HORMAD2: variants seen among roughly 807,000 people sequenced by gnomAD.
HORMAD2 encodes HORMA domain-containing protein 2.
A neutral mutation model predicts 38.8 loss-of-function variants in HORMAD2; 45 were observed. That is an observed-to-expected ratio of 1.16 (90% CI 0.91 to 1.49). The LOEUF is 1.49. HORMAD2 is among the 40% of genes most tolerant of loss of function. The pLI is 0.00. For synonymous variants in HORMAD2, 126 were observed against 122.8 expected, an observed-to-expected ratio of 1.03 and a Z score of -0.17; for missense variants, 338 against 367.0, an observed-to-expected ratio of 0.92 and a Z score of 0.65.
At chr22:30,123,994 T>C (rs541749405) in intron 10 of HORMAD2, among the ~76,000 whole-genome samples, 17 of 152,088 alleles carry the variant, frequency 1.1e-4, no homozygotes, top group South Asian at 8.3e-4. Context: ...TTCTTTCTTT[T>C]TTTTTTTTAA....
intron 1 of HORMAD2, chr22:30,081,399 CAATT>C (rs1366828325): frequency 6.6e-6 from 1 of 152,150 alleles, no homozygotes; most frequent in African/African-American, 2.4e-5. Context: ...AACAAATACT[CAATT>C]AATATAGTGG....
the HORMAD2 span, among the ~76,000 whole-genome samples, chr22:30,202,265 G>C: frequency 6.6e-6 from 1 of 152,102 alleles, no homozygotes; most frequent in Admixed American, 6.5e-5. Context: ...CCCTGACAGG[G>C]TCCAGGCAGG....
chr22:30,169,439 T>C (rs554774386), intron 10 of HORMAD2, among the ~76,000 whole-genome samples: 11 of 152,324 alleles, frequency 7.2e-5, no homozygotes, highest in Admixed American at 2.6e-4. Context: ...AGAACTTATG[T>C]AACAACTTTT....
the HORMAD2 span, among the ~76,000 whole-genome samples, chr22:30,190,075 T>C: frequency 6.6e-6 from 1 of 152,230 alleles, no homozygotes; most frequent in Non-Finnish European, 1.5e-5. Context: ...GGACCACTTA[T>C]TAGCCATGTG....
intron 5 of HORMAD2, among the ~76,000 whole-genome samples, chr22:30,111,554 A>G (rs540517490): frequency 6.6e-6 from 1 of 152,130 alleles, no homozygotes; most frequent in Non-Finnish European, 1.5e-5. Context: ...CTGACTTTTC[A>G]TATACTCCCT....
At chr22:30,091,256 CTCTT>C (rs1377638380) in intron 1 of HORMAD2, among the ~76,000 whole-genome samples, 25 of 126,182 alleles carry the variant, frequency 2.0e-4, no homozygotes, top group Admixed American at 3.3e-4. Context: ...CTTTCTTTCT[CTCTT>C]TCTTTCTTTT....
intron 10 of HORMAD2, among the ~76,000 whole-genome samples, chr22:30,162,349 A>G (rs1331552273): frequency 2.7e-5 from 4 of 145,752 alleles, no homozygotes; most frequent in African/African-American, 1.0e-4. Context: ...ACACACACAC[A>G]CGATATGTTG....
chr22:30,156,247 A>G (rs1925066672), intron 10 of HORMAD2, among the ~76,000 whole-genome samples: 1 of 152,194 alleles, frequency 6.6e-6, no homozygotes, highest in Non-Finnish European at 1.5e-5. Context: ...GTAAGACCAT[A>G]TTTTATTTAG....
At chr22:30,163,636 C>T (rs1925591395) in intron 10 of HORMAD2, among the ~76,000 whole-genome samples, 7 of 152,032 alleles carry the variant, frequency 4.6e-5, no homozygotes, top group Admixed American at 4.6e-4. Context: ...CCATGTTGCC[C>T]AGGCTGTTCT....
the HORMAD2 span, among the ~76,000 whole-genome samples, chr22:30,203,848 T>G: frequency 6.6e-6 from 1 of 152,198 alleles, no homozygotes; most frequent in Non-Finnish European, 1.5e-5. Context: ...CACACGAACC[T>G]GCACCTTACA....
chr22:30,172,220 A>G (rs748629937), intron 10 of HORMAD2, among the ~76,000 whole-genome samples: 2 of 152,230 alleles, frequency 1.3e-5, no homozygotes, highest in Admixed American at 6.5e-5. Context: ...GCCAAAAAGT[A>G]ACATGGCCAG....
At chr22:30,100,569 G>A (rs907115625) in intron 3 of HORMAD2, among the ~76,000 whole-genome samples, 2 of 152,058 alleles carry the variant, frequency 1.3e-5, no homozygotes, top group African/African-American at 4.8e-5. Context: ...TGCAACAAAA[G>A]CCAAAATAGA....
intron 10 of HORMAD2, among the ~76,000 whole-genome samples, chr22:30,130,332 T>C (rs1923185674): frequency 6.6e-6 from 1 of 152,148 alleles, no homozygotes; most frequent in African/African-American, 2.4e-5. Context: ...AGGAATAATG[T>C]GAAAGTGAGA....
intron 10 of HORMAD2, among the ~76,000 whole-genome samples, chr22:30,123,945 C>T (rs1329240382): frequency 2.0e-5 from 3 of 151,906 alleles, no homozygotes; most frequent in Non-Finnish European, 4.4e-5. Context: ...GCTAGGATTA[C>T]ACCACACCTG....
chr22:30,086,749 C>T (rs1278491068), intron 1 of HORMAD2, among the ~76,000 whole-genome samples: 1 of 152,118 alleles, frequency 6.6e-6, no homozygotes, highest in Non-Finnish European at 1.5e-5. Context: ...GAGATGACAA[C>T]AACCTGGCTA....
At chr22:30,179,768 G>A (rs1227783009), downstream of HORMAD2, among the ~76,000 whole-genome samples, 1 of 152,194 alleles carries the variant, frequency 6.6e-6, no homozygotes, top group East Asian at 1.9e-4. Context: ...TGTTGAGAAA[G>A]GGATTGGCCA....
intron 10 of HORMAD2, among the ~76,000 whole-genome samples, chr22:30,155,104 A>G (rs1924988156): frequency 6.6e-6 from 1 of 151,662 alleles, no homozygotes; most frequent in African/African-American, 2.4e-5. Flanking sequence ...AAAGAAAGAA[A>G]GAAGGAATAT....
rs34611740 is a variant in HORMAD2 at position 30,138,243 on chromosome 22, AT to A, written c.819+16043del. 6.2e-3 allele frequency among the ~76,000 whole-genome samples: 888 copies of A among 142,470 alleles called. 6 individuals carry two copies. Among genetic ancestry groups the A allele is most frequent in the East Asian group, 0.015 (75 of 4,934 alleles). The allele number at this position is 142,470 out of a possible 152,430, so 93.5% of individuals were successfully genotyped here. A position where few individuals can be genotyped will look rare whatever the true frequency, so the allele number is the denominator to read the frequency against. ...ACATGTATATTCGGATCTTTTGCCC[AT>A]TTTTTTTTTTTTTGAGACAGAGTCT... On this transcript the variant is annotated intron_variant, in intron 10 of 10. Transcript: ENST00000336726.
chr22:30,200,590 T>TA, the HORMAD2 span, among the ~76,000 whole-genome samples: 721 of 152,158 alleles, frequency 4.7e-3, 8 homozygotes, highest in African/African-American at 0.016. Context: ...CTGGTTTCTT[T>TA]AATTTTTTAA....
Sources: gnomAD v4.1 joint callset for allele counts (sites outside exome capture counted in the v4.1 genomes callset) on GRCh38, gnomAD v4.1.1 for gene constraint, MANE v1.5 for transcripts, NCBI Gene and HGNC (gene_info 2026-07-23, HGNC 2026-07-21) for gene names.